Variants in PSIP1 observed in about 807,000 individuals in gnomAD.
PSIP1 encodes PC4 and SFRS1-interacting protein.
Under a neutral mutation model 74.7 loss-of-function variants are expected in PSIP1, and 19 were observed. The ratio of observed to expected loss-of-function variants is 0.25; its 90% CI spans 0.18 to 0.37. The LOEUF (loss-of-function observed/expected upper bound fraction) is 0.37. Among genes scored for constraint, PSIP1 ranks in the 10% least tolerant of loss-of-function variants. The pLI, the probability that PSIP1 is intolerant of heterozygous loss-of-function variation, is 1.00. For missense variants in PSIP1, 601 were observed against 614.3 expected, an observed-to-expected ratio of 0.98 and a Z score of 0.23; for synonymous variants, 222 against 195.3, an observed-to-expected ratio of 1.14 and a Z score of -1.14.
intron 9 of PSIP1, among the ~76,000 whole-genome samples, chr9:15,473,602 G>A (rs2035937238): frequency 6.6e-6 from 1 of 152,052 alleles, no homozygotes; most frequent in Non-Finnish European, 1.5e-5. Flanking sequence ...CTCTTAAACT[G>A]GGCAGATTAA....
Position 15,500,251 on chromosome 9 carries a change from G to A in PSIP1, c.149+6310C>T, listed in dbSNP as rs779544008. The stretch of plus-strand genomic sequence containing the variant: ...GAGGCCGAGGCAGGAGGATCATGAC[G>A]TCAGGAGATCAAGACCATCCTGGCT... On this transcript the variant is annotated intron_variant, in intron 3 of 15. Transcript: ENST00000380733. Among the ~76,000 whole-genome samples, 9 of 152,212 alleles carry A rather than the reference G, an allele frequency of 5.9e-5. No homozygotes were observed. In the East Asian group the frequency reaches 7.7e-4, roughly 13 times the overall value.
At chr9:15,506,683 C>A (rs2037604141) in intron 2 of PSIP1, 46 bp from the exon 3 acceptor site, 2 of 1,379,740 alleles carry the variant, frequency 1.4e-6, no homozygotes, top group Non-Finnish European at 2.0e-6. Context: ...ATCATACACA[C>A]CTCAACATTT....
Position 15,472,624 on chromosome 9 carries a change from A to AC in PSIP1, c.977+7_977+8insG. The AC allele has an allele frequency of 6.4e-7, 1 of 1,567,638 alleles. No individual in the cohort carries two copies. Among genetic ancestry groups the AC allele is most frequent in the Non-Finnish European group, 8.6e-7 (1 of 1,167,550 alleles). ...GAACCCAAAATTTAGAAAAAAAAAA[A>AC]TACTTACTGCTCAGTTTCCATTTGT... On this transcript the variant is annotated splice_region_variant and intron_variant, in intron 10 of 15. Transcript: ENST00000380733.
chr9:15,471,809 CATT>C (rs2035843234), intron 10 of PSIP1: 6 of 952,648 alleles, frequency 6.3e-6, no homozygotes, highest in South Asian at 9.7e-5. Context: ...TACTGCTCAT[CATT>C]AACTTTGTCT....
At chr9:15,493,246 G>A (rs963708466) in intron 3 of PSIP1, among the ~76,000 whole-genome samples, 1 of 152,086 alleles carries the variant, frequency 6.6e-6, no homozygotes. Flanking sequence ...TCTAGGGCAG[G>A]GGCAAAAAGC....
chr9:15,502,097 T>C (rs181254721), intron 3 of PSIP1, among the ~76,000 whole-genome samples: 1 of 151,976 alleles, frequency 6.6e-6, no homozygotes, highest in East Asian at 1.9e-4. Flanking sequence ...CTTATAAGAA[T>C]CTAAGTAATG....
At chr9:15,507,587 G>A (rs185382830) in intron 2 of PSIP1, among the ~76,000 whole-genome samples, 2 of 152,002 alleles carry the variant, frequency 1.3e-5, no homozygotes, top group Non-Finnish European at 2.9e-5. Flanking sequence ...GCAGTGAGCC[G>A]AGATCATGCC....
In PSIP1 at chr9:15,469,269, A is replaced by T. The variant is rs2035745357; in HGVS notation, c.1101T>A (p.Asn367Lys). The change falls in exon 12 of 16, where the codon AAT (asparagine) becomes AAA (lysine). Residue 367 changes from asparagine (N) to lysine (K), a missense_variant. Asn to Lys is a moderately conservative substitution (Grantham distance 94). Transcript: ENST00000380733. ...TTAAATGAAGTTAAACACTTACAAG[A>T]TTATCAATTTTGAGTGAATTTTTAA... ...AEIKNSLKID[N>K]LDVNRCIEAL... The T allele has an allele frequency of 1.9e-6, 3 of 1,543,770 alleles. No homozygotes were observed. The highest frequency in any genetic ancestry group is 2.7e-6 in the Non-Finnish European group (3 of 1,130,646).
At chr9:15,471,253 C>T (rs1191008671) in intron 10 of PSIP1, 1 of 1,592,136 alleles carries the variant, frequency 6.3e-7, no homozygotes, top group Non-Finnish European at 8.6e-7. Context: ...ATACAATAAA[C>T]TTTATTTTGC....
At chr9:15,470,870 C>A in intron 10 of PSIP1, 1 of 1,062,642 alleles carries the variant, frequency 9.4e-7, no homozygotes, top group African/African-American at 1.8e-5. Flanking sequence ...GAATAATGTA[C>A]AACCACCATC....
intron 8 of PSIP1, among the ~76,000 whole-genome samples, chr9:15,475,553 T>C (rs1294821572): frequency 2.0e-5 from 3 of 152,152 alleles, no homozygotes; most frequent in African/African-American, 7.2e-5. Context: ...TACAAAAGAA[T>C]AGATGACAAT....
At position 15,469,134 on chromosome 9, in the gene PSIP1, CAA is replaced by C. The variant is rs145855578; in HGVS notation, c.1105-78_1105-77del. ...ACAATCTGTTTCTAAAGATCGTTTCCAAAAAAAAAGAGGTAGTGCAAAATGAC... is the reference window on the plus strand; with the variant it reads ...ACAATCTGTTTCTAAAGATCGTTTCCAAAAAAAGAGGTAGTGCAAAATGAC... On this transcript the variant is annotated intron_variant, in intron 12 of 15. Coordinates refer to ENST00000380733, the MANE Select transcript of PSIP1 (RefSeq NM_033222.5). The C allele has an allele frequency of 5.0e-6, 7 of 1,404,014 alleles. No homozygotes were observed. In the Admixed American group the frequency reaches 6.7e-5, roughly 13 times the overall value. 87.0% of individuals were successfully genotyped at this position (1,404,014 alleles called of 1,614,324 possible). A position where few individuals can be genotyped will look rare whatever the true frequency, so the allele number is the denominator to read the frequency against.
At chr9:15,504,335 T>A (rs2037484271) in intron 3 of PSIP1, among the ~76,000 whole-genome samples, 1 of 148,436 alleles carries the variant, frequency 6.7e-6, no homozygotes, top group African/African-American at 2.6e-5. Flanking sequence ...TGTTTTGGTT[T>A]AAAGTGTACA....
intron 11 of PSIP1, among the ~76,000 whole-genome samples, 185 bp from the exon 12 acceptor site, chr9:15,469,521 T>C (rs556801809): frequency 1.1e-4 from 16 of 152,252 alleles, no homozygotes; most frequent in South Asian, 6.2e-4. Flanking sequence ...TTTTTAGTGG[T>C]TGAGAAAAGC....
intron 3 of PSIP1, among the ~76,000 whole-genome samples, chr9:15,502,890 T>G (rs943674307): frequency 4.6e-5 from 7 of 152,240 alleles, no homozygotes; most frequent in African/African-American, 1.7e-4. Context: ...TTACTATGAA[T>G]GTCCTAAGTA....
intron 2 of PSIP1, among the ~76,000 whole-genome samples, chr9:15,507,280 T>C (rs758275815): frequency 1.3e-5 from 2 of 152,322 alleles, no homozygotes; most frequent in South Asian, 4.1e-4. Context: ...AATATATCCA[T>C]AATACTTGTT....
intron 9 of PSIP1, among the ~76,000 whole-genome samples, chr9:15,473,117 G>C (rs773848777): frequency 3.9e-5 from 6 of 152,142 alleles, no homozygotes; most frequent in Non-Finnish European, 8.8e-5. Flanking sequence ...CCAAAAATCA[G>C]ATGAAAGTAA....
rs61744944 is a variant in PSIP1 at position 15,468,635 on chromosome 9, T to G, written c.1415A>C (p.Gln472Pro). 2 of 1,613,882 alleles carry G rather than the reference T, an allele frequency of 1.2e-6. No homozygotes were observed. The highest frequency in any genetic ancestry group is 1.1e-5 in the South Asian group (1 of 91,084). ...GTTGGCTTTTTACCACATACCTGTT[T>G]GTTCCTTCTCTAGCTTTTTGTTTGG... ...KGPNKKLEKE[Q>P]TGSKTLNGGS... Residue 472 changes from glutamine to proline, a missense_variant, in exon 14 of 16, where the codon CAA becomes CCA. Around this residue, in one of 2 missense-constraint regions of PSIP1, gnomAD observed 538 missense variants for 507.6 expected, o/e 1.06. Coordinates refer to ENST00000380733, the MANE Select transcript of PSIP1 (RefSeq NM_033222.5).
At chr9:15,473,888 G>C in intron 9 of PSIP1, 121 bp downstream of exon 9, 1 of 700,906 alleles carries the variant, frequency 1.4e-6, no homozygotes, top group Non-Finnish European at 2.1e-6. Flanking sequence ...GCAACACAGC[G>C]AGACTCCATC....
Sources: gnomAD v4.1 joint callset for allele counts (sites outside exome capture counted in the v4.1 genomes callset) on GRCh38, gnomAD v4.1.1 for gene constraint, gnomAD v4.1.1 regional missense constraint, MANE v1.5 for transcripts, NCBI Gene and HGNC (gene_info 2026-07-23, HGNC 2026-07-21) for gene names.